RSPRY1: variants seen among roughly 807,000 people sequenced by gnomAD.
RSPRY1 encodes the protein RING finger and SPRY domain-containing protein 1.
In RSPRY1, 23 loss-of-function variants were observed where a neutral mutation model predicts 73.1. That is an observed-to-expected ratio of 0.31 (90% CI 0.23 to 0.45). The LOEUF is 0.45. RSPRY1 is among the 20% of genes least tolerant of loss of function. The probability of loss-of-function intolerance (pLI) is 1.00; values close to 1 mark genes in which losing one functional copy is unlikely to be tolerated. For synonymous variants in RSPRY1, 226 were observed against 251.4 expected, an observed-to-expected ratio of 0.90 and a Z score of 0.95; for missense variants, 448 against 698.7, an observed-to-expected ratio of 0.64 and a Z score of 4.05.
Position 57,204,899 on chromosome 16 carries a change from G to A in RSPRY1, c.241G>A (p.Val81Ile), listed in dbSNP as rs1408853510. Reference sequence around the variant, plus strand: ...CACAAGGAGCCAACCACGGGACCCTGTTCGGCCACCAAGGAGGGGCCGAGG... The same window carrying A: ...CACAAGGAGCCAACCACGGGACCCTATTCGGCCACCAAGGAGGGGCCGAGG... ...ADTRSQPRDP[V>I]RPPRRGRGPH... is the part of the protein sequence containing the mutation. Residue 81 changes from valine to isoleucine, a missense_variant, in exon 2 of 15, where the codon GTT (valine) becomes ATT (isoleucine). Transcript: ENST00000394420. 6.2e-7 allele frequency: 1 copy of A among 1,614,076 alleles called. No homozygotes were observed. The highest frequency in any genetic ancestry group is 1.3e-5 in the African/African-American group (1 of 74,920).
chr16:57,216,712 C>G (rs534590081), intron 7 of RSPRY1, among the ~76,000 whole-genome samples, 192 bp from the exon 8 acceptor site: 2 of 152,106 alleles, frequency 1.3e-5, no homozygotes, highest in East Asian at 3.9e-4. Flanking sequence ...AGAGTGAGAC[C>G]CTGTGACTAA....
chr16:57,219,569 T>C (rs550860162), intron 8 of RSPRY1: 3 of 152,382 alleles, frequency 2.0e-5, no homozygotes, highest in African/African-American at 7.2e-5. Context: ...TAATCCTTTG[T>C]CGAATGGATA....
At chr16:57,230,569 C>A (rs1474392212) in intron 11 of RSPRY1, 142 bp from the exon 12 acceptor site, 1 of 513,266 alleles carries the variant, frequency 1.9e-6, no homozygotes, top group Non-Finnish European at 3.5e-6. Flanking sequence ...AGATCAGTTA[C>A]AGAAGAAACA....
chr16:57,197,839 T>C (rs1174793176), intron 1 of RSPRY1, among the ~76,000 whole-genome samples: 1 of 152,098 alleles, frequency 6.6e-6, no homozygotes, highest in Admixed American at 6.5e-5. Flanking sequence ...TCTTCCCACC[T>C]CAACCTCCTG....
chr16:57,207,233 C>T (rs1316532179), intron 2 of RSPRY1, among the ~76,000 whole-genome samples: 1 of 152,170 alleles, frequency 6.6e-6, no homozygotes, highest in African/African-American at 2.4e-5. Flanking sequence ...AAACAGGCAG[C>T]ACCTAATGAG....
chr16:57,199,895 G>GTTTTTTTTTTCTTT (rs2074530206), intron 1 of RSPRY1, among the ~76,000 whole-genome samples: 1 of 106,254 alleles, frequency 9.4e-6, no homozygotes, highest in Non-Finnish European at 1.9e-5. Flanking sequence ...TTTTTTGTTT[G>GTTTTTTTTTTCTTT]TTTTTTTTTT....
rs2075341573 is a variant in RSPRY1, at chr16:57,238,972, A to G, written c.1728A>G (p.Ser576=). ...GAATCAGACAGATTTCTCATATTTC[A>G]TGACACATGTGAAGAGGCATCGTGG... ...VSRIRQISHI[S] is the part of the protein sequence containing the mutation. The change falls in exon 15 of 15, where the codon TCA becomes TCG. Residue 576 remains serine (S), a synonymous_variant. Coordinates refer to ENST00000394420, the MANE Select transcript of RSPRY1 (RefSeq NM_133368.3). 1 of 1,567,428 alleles carries G rather than the reference A, an allele frequency of 6.4e-7. No homozygotes were observed. Among genetic ancestry groups the G allele is most frequent in the Non-Finnish European group, 8.8e-7 (1 of 1,141,728 alleles).
intron 6 of RSPRY1, among the ~76,000 whole-genome samples, chr16:57,214,511 T>C (rs1020558286): frequency 1.2e-4 from 18 of 152,226 alleles, no homozygotes; most frequent in African/African-American, 4.3e-4. Context: ...TAGTGAGCAT[T>C]GGCCCTTTTC....
At chr16:57,201,088 G>T (rs1466984620) in intron 1 of RSPRY1, among the ~76,000 whole-genome samples, 1 of 152,032 alleles carries the variant, frequency 6.6e-6, no homozygotes, top group Non-Finnish European at 1.5e-5. Flanking sequence ...AGACGGGGTG[G>T]CTGCCGGGCG....
chr16:57,186,808 C>T (rs1364169243), intron 1 of RSPRY1: 1 of 152,310 alleles, frequency 6.6e-6, no homozygotes, highest in Non-Finnish European at 1.5e-5. Flanking sequence ...TATCTATCTC[C>T]TGGGGTGGCT....
At chr16:57,212,211 T>C (rs2074857134) in intron 4 of RSPRY1, among the ~76,000 whole-genome samples, 1 of 152,098 alleles carries the variant, frequency 6.6e-6, no homozygotes, top group African/African-American at 2.4e-5. Flanking sequence ...CGAGGGAGGC[T>C]GAAGTGGGAG....
chr16:57,233,897 C>G (rs2075263611), intron 13 of RSPRY1, among the ~76,000 whole-genome samples: 1 of 152,156 alleles, frequency 6.6e-6, no homozygotes, highest in African/African-American at 2.4e-5. Context: ...TGCCCTCTAC[C>G]TTGTTCCTCC....
chr16:57,216,306 A>T (rs929666052), intron 7 of RSPRY1, 133 bp downstream of exon 7: 1 of 678,482 alleles, frequency 1.5e-6, no homozygotes, highest in Non-Finnish European at 2.6e-6. Flanking sequence ...ATCTGGATAG[A>T]CACGTTAAAG....
chr16:57,200,949 G>C (rs1295177216), intron 1 of RSPRY1, among the ~76,000 whole-genome samples: 2 of 13,042 alleles, frequency 1.5e-4, no homozygotes, highest in South Asian at 4.7e-3. Context: ...CGGCTGGCCG[G>C]GGGGGGGGGG....
At chr16:57,237,877 T>C (rs1226949018) in intron 14 of RSPRY1, among the ~76,000 whole-genome samples, 1 of 152,114 alleles carries the variant, frequency 6.6e-6, no homozygotes, top group African/African-American at 2.4e-5. Flanking sequence ...CATGCCCAGC[T>C]AATTTTTGTA....
chr16:57,236,091 C>T (rs1420158805), intron 14 of RSPRY1, among the ~76,000 whole-genome samples: 1 of 152,242 alleles, frequency 6.6e-6, no homozygotes, highest in Non-Finnish European at 1.5e-5. Context: ...CCTATTACTT[C>T]TACAGCCCAG....
In RSPRY1 at chr16:57,189,598, T is replaced by C. The variant is rs538133169; in HGVS notation, c.-156+3147T>C. Among the ~76,000 whole-genome samples, 4 of 147,462 alleles carry C rather than the reference T, an allele frequency of 2.7e-5. No individual in the cohort carries two copies. The East Asian group carries it at 5.9e-4, about 22-fold the overall frequency. ...TTTTCTTTTTCTTTTCTTTTCTTTT[T>C]TTTTTTTTTTTGAGACAGGGTCTCA... On this transcript the variant is annotated intron_variant, in intron 1 of 14. Coordinates refer to ENST00000394420, the MANE Select transcript of RSPRY1 (RefSeq NM_133368.3).
intron 3 of RSPRY1, among the ~76,000 whole-genome samples, chr16:57,208,376 T>TTATA (rs200643065): frequency 1.9e-4 from 18 of 94,356 alleles, no homozygotes; most frequent in African/African-American, 4.2e-4. Flanking sequence ...AGGAGATTAT[T>TTATA]TATATATATA....
intron 1 of RSPRY1, among the ~76,000 whole-genome samples, chr16:57,199,531 G>A (rs1481937125): frequency 6.6e-6 from 1 of 152,100 alleles, no homozygotes; most frequent in Non-Finnish European, 1.5e-5. Flanking sequence ...TATAATAATA[G>A]ATATGGAGGC....
Sources: gnomAD v4.1 joint callset for allele counts (sites outside exome capture counted in the v4.1 genomes callset) on GRCh38, gnomAD v4.1.1 for gene constraint, MANE v1.5 for transcripts, NCBI Gene and HGNC (gene_info 2026-07-23, HGNC 2026-07-21) for gene names.